The following AAMDC variants were observed in gnomAD, a reference collection of about 807,000 sequenced individuals.
AAMDC encodes the protein mth938 domain-containing protein.
Under a neutral mutation model 15.5 loss-of-function variants are expected in AAMDC, and 16 were observed. The observed-to-expected ratio is 1.03, with a 90% CI of 0.70 to 1.57. The LOEUF is 1.57. Among genes scored for constraint, AAMDC ranks in the 40% most tolerant of loss-of-function variants. AAMDC has a pLI of 0.00. For missense variants in AAMDC, 141 were observed against 144.9 expected (o/e 0.97, Z 0.14); for synonymous variants, 51 against 51.6 (o/e 0.99, Z 0.05).
At chr11:77,898,288 G>T (rs1042488233) in intron 5 of AAMDC, among the ~76,000 whole-genome samples, 1 of 152,070 alleles carries the variant, frequency 6.6e-6, no homozygotes, top group African/African-American at 2.4e-5. Context: ...TCAGCCTCCC[G>T]AGTAGCTGGG....
downstream of AAMDC, among the ~76,000 whole-genome samples, chr11:77,902,642 G>A (rs1952812362): frequency 1.3e-5 from 2 of 152,136 alleles, no homozygotes; most frequent in Admixed American, 1.3e-4. Flanking sequence ...GGTTAATTAA[G>A]CTAATAGACT....
downstream of AAMDC, among the ~76,000 whole-genome samples, chr11:77,872,704 T>C (rs1238723550): frequency 2.0e-5 from 3 of 152,088 alleles, no homozygotes; most frequent in African/African-American, 7.2e-5. Flanking sequence ...TCCCAACACT[T>C]TGGGAGGCCG....
At chr11:77,900,522 T>C (rs1952743900) in intron 5 of AAMDC, 1 of 631,444 alleles carries the variant, frequency 1.6e-6, no homozygotes, top group Non-Finnish European at 2.8e-6. Context: ...TTTCTGTGTT[T>C]AAGCATTCAT....
chr11:77,841,327 C>A, intron 1 of AAMDC: 1 of 670,418 alleles, frequency 1.5e-6, no homozygotes, highest in South Asian at 1.6e-5. Flanking sequence ...TATGAATTCT[C>A]CCATGCAATA....
At chr11:77,869,946 G>T in intron 3 of AAMDC, 129 bp downstream of exon 3, 1 of 788,286 alleles carries the variant, frequency 1.3e-6, no homozygotes, top group East Asian at 2.6e-5. Flanking sequence ...ACCCAGGATA[G>T]CAGTGGCTGC....
chr11:77,877,194 T>A (rs1951622871), downstream of AAMDC: 2 of 572,658 alleles, frequency 3.5e-6, no homozygotes, highest in South Asian at 4.5e-5. Flanking sequence ...TAGGACAGGT[T>A]ACTTATTTCT....
intron 1 of AAMDC, chr11:77,829,842 A>G (rs1183865919): frequency 6.6e-6 from 1 of 152,240 alleles, no homozygotes; most frequent in East Asian, 1.9e-4. Context: ...CTTAAGAAAG[A>G]AAATCAAGTC....
intron 1 of AAMDC, among the ~76,000 whole-genome samples, chr11:77,828,453 G>C (rs1949276483): frequency 6.6e-6 from 1 of 152,022 alleles, no homozygotes; most frequent in African/African-American, 2.4e-5. Flanking sequence ...GGATCACAAG[G>C]TCAGGAGATC....
intron 1 of AAMDC, among the ~76,000 whole-genome samples, chr11:77,834,247 A>G (rs936571670): frequency 6.6e-6 from 1 of 152,196 alleles, no homozygotes; most frequent in Admixed American, 6.5e-5. Flanking sequence ...TAGGGAAGCA[A>G]TGGTTGCATT....
rs111424730 is a variant in AAMDC, at chr11:77,879,279, A to C, written c.328+2230A>C. On this transcript the variant is annotated intron_variant, in intron 5 of 5. Transcript: ENST00000304716. ...TCCCCTTACCCTCACCAAACAAAAC[A>C]CTGAGCCTGCAGATGTGATGCTGTT... 3.4e-5 allele frequency: 27 copies of C among 791,084 alleles called. 1 individual carries two copies. In the Middle Eastern group the frequency reaches 1.5e-3, roughly 42 times the overall value. 49.0% of individuals were successfully genotyped at this position (791,084 alleles called of 1,614,324 possible).
chr11:77,839,734 G>C (rs649671), intron 1 of AAMDC, among the ~76,000 whole-genome samples: 64,260 of 151,862 alleles, frequency 0.42, 14,108 homozygotes, highest in African/African-American at 0.53. Context: ...AAACTGAACA[G>C]CACATGTTCT....
chr11:77,844,389 G>A (rs1432193662), intron 2 of AAMDC, among the ~76,000 whole-genome samples: 6 of 151,630 alleles, frequency 4.0e-5, no homozygotes, highest in Admixed American at 3.3e-4. Context: ...TTTGGAGACA[G>A]TCTCCCTCTG....
intron 5 of AAMDC, among the ~76,000 whole-genome samples, chr11:77,894,951 T>C (rs568767896): frequency 2.4e-4 from 36 of 152,368 alleles, no homozygotes; most frequent in African/African-American, 7.5e-4. Flanking sequence ...TATAGCCTAC[T>C]AATGTAGTTG....
At chr11:77,884,254 T>C (rs1951903305) in intron 5 of AAMDC, among the ~76,000 whole-genome samples, 1 of 152,190 alleles carries the variant, frequency 6.6e-6, no homozygotes, top group Admixed American at 6.5e-5. Flanking sequence ...CTCAGGCACC[T>C]TCACCAGAAG....
At chr11:77,901,511 C>G, downstream of AAMDC, 1 of 1,612,100 alleles carries the variant, frequency 6.2e-7, no homozygotes, top group Non-Finnish European at 8.5e-7. Flanking sequence ...ATTCTCCACA[C>G]CACTGTACAT....
chr11:77,834,576 A>G (rs552297310), intron 1 of AAMDC, among the ~76,000 whole-genome samples: 1 of 150,674 alleles, frequency 6.6e-6, no homozygotes, highest in East Asian at 2.0e-4. Flanking sequence ...CACCTCGTTC[A>G]GCTAATTTTT....
downstream of AAMDC, chr11:77,900,879 A>G: frequency 2.1e-6 from 1 of 473,284 alleles, no homozygotes; most frequent in Non-Finnish European, 3.7e-6. Context: ...GTATTATCTC[A>G]TTTATTCTTC....
At chr11:77,900,111 T>A (rs992118631) in intron 5 of AAMDC, among the ~76,000 whole-genome samples, 105 of 152,024 alleles carry the variant, frequency 6.9e-4, no homozygotes, top group African/African-American at 1.0e-3. Context: ...TTTTTTTTTT[T>A]TATATAAAGA....
At chr11:77,887,677 C>A (rs899567946) in intron 5 of AAMDC, among the ~76,000 whole-genome samples, 1 of 151,896 alleles carries the variant, frequency 6.6e-6, no homozygotes, top group South Asian at 2.1e-4. Flanking sequence ...AAAACCCCAT[C>A]GTCTCAGCCC....
Sources: gnomAD v4.1 joint callset for allele counts (sites outside exome capture counted in the v4.1 genomes callset) on GRCh38, gnomAD v4.1.1 for gene constraint, MANE v1.5 for transcripts, NCBI Gene and HGNC (gene_info 2026-07-23, HGNC 2026-07-21) for gene names.